MEGF9: variants seen among roughly 807,000 people sequenced by gnomAD.
The protein encoded by MEGF9 is multiple EGF like domains 9.
Under a neutral mutation model 46.8 loss-of-function variants are expected in MEGF9, and 6 were observed. That is an observed-to-expected ratio of 0.13 (90% CI 0.07 to 0.25). The LOEUF (loss-of-function observed/expected upper bound fraction) is 0.25. Ranked by LOEUF, MEGF9 falls within the 10% of genes least tolerant of loss-of-function variation. The probability of loss-of-function intolerance (pLI) is 1.00; values close to 1 mark genes in which losing one functional copy is unlikely to be tolerated. For missense variants in MEGF9, 683 were observed against 792.4 expected, an observed-to-expected ratio of 0.86 and a Z score of 1.66; for synonymous variants, 302 against 330.7, an observed-to-expected ratio of 0.91 and a Z score of 0.94.
chr9:120,713,086 G>A (rs2043960597), intron 1 of MEGF9, among the ~76,000 whole-genome samples: 1 of 152,184 alleles, frequency 6.6e-6, no homozygotes, highest in Admixed American at 6.5e-5. Flanking sequence ...GAAAAAAATG[G>A]TGCGAGGAAG....
At chr9:120,615,548 A>C (rs2043468595) in intron 3 of MEGF9, among the ~76,000 whole-genome samples, 1 of 152,108 alleles carries the variant, frequency 6.6e-6, no homozygotes, top group Non-Finnish European at 1.5e-5. Flanking sequence ...AAAAAAAAAT[A>C]ACCTTACGTG....
chr9:120,687,700 G>GTGTA (rs1000934325), intron 1 of MEGF9, among the ~76,000 whole-genome samples: 2 of 150,142 alleles, frequency 1.3e-5, no homozygotes, highest in African/African-American at 4.9e-5. Context: ...GTGTGTGTGT[G>GTGTA]TGTGTGTGTA....
intron 2 of MEGF9, among the ~76,000 whole-genome samples, chr9:120,632,410 C>T (rs1469159432): frequency 1.4e-5 from 2 of 148,040 alleles, no homozygotes; most frequent in Non-Finnish European, 3.0e-5. Flanking sequence ...TTCACTGTTG[C>T]TGTGTAAAAA....
At position 120,622,643 on chromosome 9, in the gene MEGF9, G is replaced by C. The variant is rs750565189; in HGVS notation, c.916C>G (p.Arg306Gly). The change falls in exon 3 of 6, where the codon CGG (arginine) becomes GGG (glycine). Residue 306 changes from arginine to glycine, a missense_variant. Coordinates refer to ENST00000373930, the MANE Select transcript of MEGF9 (RefSeq NM_001080497.3). Reference sequence around the variant, plus strand: ...GTGAGGGCATCGCAACTGGCAGACCGATTATTGCATTGGCAGGGCAAGCAG... The same window carrying C: ...GTGAGGGCATCGCAACTGGCAGACCCATTATTGCATTGGCAGGGCAAGCAG... The part of the protein sequence containing the change: ...NGCLPCQCNN[R>G]SASCDALTGA... 1 of 1,613,580 alleles carries C rather than the reference G, an allele frequency of 6.2e-7. No homozygotes were observed. Among genetic ancestry groups the C allele is most frequent in the East Asian group, 2.2e-5 (1 of 44,858 alleles).
chr9:120,616,384 A>C (rs2043472648), intron 3 of MEGF9, among the ~76,000 whole-genome samples: 1 of 152,084 alleles, frequency 6.6e-6, no homozygotes, highest in African/African-American at 2.4e-5. Flanking sequence ...ACATAGCATT[A>C]AAAAATGGTA....
In MEGF9 at chr9:120,659,404, G is replaced by T; in HGVS notation, c.773C>A (p.Pro258Gln). The T allele has an allele frequency of 6.2e-7, 1 of 1,613,740 alleles. No homozygotes were observed. Among genetic ancestry groups the T allele is most frequent in the Non-Finnish European group, 8.5e-7 (1 of 1,179,848 alleles). ...SGLCQPCDCS[P>Q]HGALSIPCNS... Reference sequence around the variant, plus strand: ...GCACGGTATGCTGAGAGCTCCATGTGGACTACAGTCACATGGCTGACAGAG... The same window carrying T: ...GCACGGTATGCTGAGAGCTCCATGTTGACTACAGTCACATGGCTGACAGAG... The change falls in exon 2 of 6, where the codon CCA becomes CAA. Residue 258 changes from proline (P) to glutamine (Q), a missense_variant. By Grantham distance (76) the Pro-to-Gln change is moderately conservative. Transcript: ENST00000373930.
At chr9:120,688,321 C>T (rs1434597634) in intron 1 of MEGF9, among the ~76,000 whole-genome samples, 1 of 152,016 alleles carries the variant, frequency 6.6e-6, no homozygotes, top group Non-Finnish European at 1.5e-5. Flanking sequence ...CCAAATAGGA[C>T]TAACTGTAAA....
At chr9:120,694,603 A>T (rs912543538) in intron 1 of MEGF9, among the ~76,000 whole-genome samples, 1 of 152,210 alleles carries the variant, frequency 6.6e-6, no homozygotes, top group Admixed American at 6.5e-5. Context: ...TAAGTACAAG[A>T]CAGTTTGCCC....
At chr9:120,667,665 T>C (rs920745) in intron 1 of MEGF9, among the ~76,000 whole-genome samples, 90,652 of 152,050 alleles carry the variant, frequency 0.6, 29,425 homozygotes, top group South Asian at 0.75. Flanking sequence ...GGAAAAATAT[T>C]GTCAAAATCA....
chr9:120,627,549 G>A (rs914939319), intron 2 of MEGF9, among the ~76,000 whole-genome samples: 8 of 152,020 alleles, frequency 5.3e-5, no homozygotes, highest in Non-Finnish European at 1.2e-4. Context: ...TGCAACCTCC[G>A]CCTCCTGGGT....
At chr9:120,656,836 A>T (rs993439512) in intron 2 of MEGF9, among the ~76,000 whole-genome samples, 2 of 152,146 alleles carry the variant, frequency 1.3e-5, no homozygotes, top group Non-Finnish European at 2.9e-5. Flanking sequence ...TAATCCCAGC[A>T]CTTTGGGAGG....
At chr9:120,625,471 C>T (rs2043519780) in intron 2 of MEGF9, among the ~76,000 whole-genome samples, 1 of 152,054 alleles carries the variant, frequency 6.6e-6, no homozygotes, top group African/African-American at 2.4e-5. Context: ...CTGAGTGTGC[C>T]ATGATCGGGC....
At position 120,622,605 on chromosome 9, in the gene MEGF9, A is replaced by AT; in HGVS notation, c.943+10_943+11insA. 1.9e-6 allele frequency: 3 copies of AT among 1,612,774 alleles called. No homozygotes were observed. The highest frequency in any genetic ancestry group is 2.5e-6 in the Non-Finnish European group (3 of 1,179,488). ...GAATAATTACATGACAAAGTTAAGG[A>AT]AAGTACGTACCTGTGAGGGCATCGC... On this transcript the variant is annotated intron_variant, in intron 3 of 5. Coordinates refer to ENST00000373930, the MANE Select transcript of MEGF9 (RefSeq NM_001080497.3).
intron 2 of MEGF9, among the ~76,000 whole-genome samples, chr9:120,638,589 G>A (rs993355981): frequency 1.3e-5 from 2 of 152,142 alleles, no homozygotes; most frequent in African/African-American, 4.8e-5. Flanking sequence ...TTTCCAACAG[G>A]GTGGTAACAA....
At chr9:120,655,512 C>T (rs1331621884) in intron 2 of MEGF9, among the ~76,000 whole-genome samples, 2 of 152,162 alleles carry the variant, frequency 1.3e-5, no homozygotes, top group Non-Finnish European at 2.9e-5. Context: ...CATATCTCCA[C>T]CATTAAGTAA....
intron 1 of MEGF9, among the ~76,000 whole-genome samples, chr9:120,677,126 AGT>A (rs3047102): frequency 0.98 from 147,072 of 150,816 alleles, 71,768 homozygotes; most frequent in Middle Eastern, 1. Context: ...CGTGTGTGTG[AGT>A]GTGTGTGTGT....
intron 1 of MEGF9, among the ~76,000 whole-genome samples, chr9:120,701,451 G>A (rs1292216271): frequency 6.6e-6 from 1 of 152,148 alleles, no homozygotes; most frequent in Non-Finnish European, 1.5e-5. Context: ...TAGGCAGAAT[G>A]TATTCCTTTT....
chr9:120,711,931 T>G (rs1165648614), intron 1 of MEGF9, among the ~76,000 whole-genome samples: 1 of 151,890 alleles, frequency 6.6e-6, no homozygotes, highest in Admixed American at 6.6e-5. Context: ...CACTAGGAAC[T>G]GTTGTAAGCA....
intron 2 of MEGF9, among the ~76,000 whole-genome samples, chr9:120,630,438 A>G (rs1373760021): frequency 6.6e-6 from 1 of 152,224 alleles, no homozygotes; most frequent in African/African-American, 2.4e-5. Flanking sequence ...TTGATTCTGT[A>G]TCTTGGCTAT....
Sources: gnomAD v4.1 joint callset for allele counts (sites outside exome capture counted in the v4.1 genomes callset) on GRCh38, gnomAD v4.1.1 for gene constraint, MANE v1.5 for transcripts, NCBI Gene and HGNC (gene_info 2026-07-23, HGNC 2026-07-21) for gene names.